The following USP54 variants were observed in gnomAD, a reference collection of about 807,000 sequenced individuals.
USP54 encodes the protein ubiquitin specific peptidase 54, also known as ubiquitin carboxyl-terminal hydrolase 54.
In USP54, 87 loss-of-function variants were observed where a neutral mutation model predicts 170.5. That is an observed-to-expected ratio of 0.51 (90% CI 0.43 to 0.61). USP54 has a LOEUF of 0.61. USP54 is among the 20% of genes least tolerant of loss of function. The pLI is 0.00. For missense variants in USP54, 1,786 were observed against 2,047.8 expected (o/e 0.87, Z 2.47); for synonymous variants, 655 against 742.8 (o/e 0.88, Z 1.92).
In USP54 at chr10:73,575,559, T is replaced by C. The variant is rs1251409543; in HGVS notation, c.100A>G (p.Ser34Gly). 3 of 1,613,976 alleles carry C rather than the reference T, an allele frequency of 1.9e-6. No individual in the cohort carries two copies. The highest frequency in any genetic ancestry group is 2.5e-6 in the Non-Finnish European group (3 of 1,179,982). ...CAGCTGTTTTGCCCTGGCTCATTGC[T>C]GAGGCCTTTGCTGGGGGCTATGGAG... Reference protein sequence around the residue: ...STSIAPSKGLSNEPGQNSCFL... With the variant: ...STSIAPSKGLGNEPGQNSCFL... The change falls in exon 3 of 24, where the codon AGC (serine) becomes GGC (glycine). Residue 34 changes from serine to glycine, a missense_variant. Ser to Gly is a moderately conservative substitution (Grantham distance 56, BLOSUM62 0). Transcript: ENST00000687698.
intron 1 of USP54, among the ~76,000 whole-genome samples, chr10:73,606,806 G>A (rs1433099136): frequency 2.6e-5 from 4 of 151,030 alleles, no homozygotes; most frequent in Non-Finnish European, 5.9e-5. Context: ...GTGAACCTGG[G>A]AGGTGGAGGT....
intron 1 of USP54, among the ~76,000 whole-genome samples, chr10:73,608,054 G>A (rs890802383): frequency 3.3e-5 from 5 of 152,090 alleles, no homozygotes; most frequent in African/African-American, 1.2e-4. Flanking sequence ...GAAGTCAGGA[G>A]TCCAAGACCA....
At chr10:73,538,612 C>T (rs1235311100) in intron 10 of USP54, among the ~76,000 whole-genome samples, 2 of 151,796 alleles carry the variant, frequency 1.3e-5, no homozygotes, top group Non-Finnish European at 2.9e-5. Context: ...CCCAGGAGTT[C>T]CAGACCAGCC....
intron 1 of USP54, chr10:73,611,531 C>G (rs1267850496): frequency 1.3e-5 from 2 of 151,824 alleles, no homozygotes; most frequent in African/African-American, 2.4e-5. Flanking sequence ...TAGCTCACAC[C>G]TGTAATCCCA....
upstream of USP54, among the ~76,000 whole-genome samples, chr10:73,595,488 G>A (rs1414448980): frequency 6.6e-6 from 1 of 150,700 alleles, no homozygotes; most frequent in Non-Finnish European, 1.5e-5. Context: ...AACTTTGGCT[G>A]TTAATCACAG....
In USP54 at chr10:73,579,078, C is replaced by G. The variant is rs185382875; in HGVS notation, c.-581-2717G>C. Among the ~76,000 whole-genome samples, 470 of 151,688 alleles carry G rather than the reference C, an allele frequency of 3.1e-3. 9 individuals carry two copies. Among genetic ancestry groups the G allele is most frequent in the Non-Finnish European group, 7.5e-4 (51 of 67,904 alleles). ...TCCTCAGCCCCATCACCCTCACCCC[C>G]ACCCCCTTCCCCCAGTAGCTGGCAT... is the stretch of plus-strand genomic sequence containing the variant. On this transcript the variant is annotated intron_variant, in intron 1 of 23. Transcript: ENST00000687698.
intron 4 of USP54, among the ~76,000 whole-genome samples, chr10:73,549,105 C>T (rs1027563322): frequency 6.6e-6 from 1 of 152,080 alleles, no homozygotes; most frequent in African/African-American, 2.4e-5. Context: ...TCCAGGGCAC[C>T]CCTTCAGGTT....
chr10:73,515,320 C>T (rs911998662), intron 20 of USP54, among the ~76,000 whole-genome samples: 5 of 151,988 alleles, frequency 3.3e-5, no homozygotes, highest in Admixed American at 2.6e-4. Context: ...ACAGGTAAAA[C>T]CTTGGCCCTG....
At chr10:73,621,228 T>A (rs1427058262) in intron 1 of USP54, among the ~76,000 whole-genome samples, 3 of 148,670 alleles carry the variant, frequency 2.0e-5, no homozygotes, top group Non-Finnish European at 4.4e-5. Context: ...GACTTTGGAA[T>A]ATAGAGTGAA....
chr10:73,498,967 G>A lies in USP54; in HGVS notation c.4717C>T (p.Pro1573Ser), dbSNP rs200063739. ...NPQLTYTATL[P>S]ERSKGLQVPH... is the part of the protein sequence containing the mutation. ...ACCTGAAGGCCCTTGCTTCTTTCTG[G>A]TAGTGTGGCAGTGTAGGTTAGTTGA... The change falls in exon 24 of 24, where the codon CCA becomes TCA. Residue 1573 changes from proline to serine, a missense_variant. Physicochemically the swap from Pro to Ser is moderately conservative, Grantham distance 74. Transcript: ENST00000687698. 20 of 1,614,126 alleles carry A rather than the reference G, an allele frequency of 1.2e-5. No homozygotes were observed. In the Admixed American group the frequency reaches 1.7e-4, roughly 13 times the overall value.
intron 7 of USP54, 30 bp from the exon 8 acceptor site, chr10:73,541,768 T>C (rs752087035): frequency 6.2e-7 from 1 of 1,602,166 alleles, no homozygotes; most frequent in Non-Finnish European, 8.6e-7. Context: ...AGGGGGATGA[T>C]GGTTTGTATT....
chr10:73,580,737 T>C, intron 1 of USP54, among the ~76,000 whole-genome samples: 1 of 152,030 alleles, frequency 6.6e-6, no homozygotes, highest in South Asian at 2.1e-4. Flanking sequence ...CACGCTCAGC[T>C]ATTTTTTGTA....
intron 1 of USP54, among the ~76,000 whole-genome samples, chr10:73,603,571 C>A (rs763766640): frequency 5.3e-5 from 8 of 151,974 alleles, no homozygotes; most frequent in Non-Finnish European, 8.8e-5. Flanking sequence ...CTCTATTAAG[C>A]CCTGTCTCTA....
intron 1 of USP54, among the ~76,000 whole-genome samples, chr10:73,580,212 G>T (rs372905558): frequency 6.6e-6 from 1 of 151,554 alleles, no homozygotes; most frequent in South Asian, 2.1e-4. Context: ...CAGCTCCTAG[G>T]GGGCATTGAG....
chr10:73,561,163 C>G (rs1236966059), intron 4 of USP54, among the ~76,000 whole-genome samples: 10 of 148,868 alleles, frequency 6.7e-5, no homozygotes. Context: ...TCTATCAACC[C>G]AGAAAACACA....
intron 9 of USP54, among the ~76,000 whole-genome samples, chr10:73,540,100 C>T (rs534492860): frequency 6.6e-6 from 1 of 151,482 alleles, no homozygotes; most frequent in Non-Finnish European, 1.5e-5. Flanking sequence ...GAGCAAGACC[C>T]CATCTCAAAA....
intron 1 of USP54, among the ~76,000 whole-genome samples, chr10:73,597,915 T>C (rs1325619976): frequency 6.6e-6 from 1 of 152,032 alleles, no homozygotes; most frequent in East Asian, 1.9e-4. Flanking sequence ...TGAAACCCTG[T>C]CTCTACTAAA....
Position 73,543,131 on chromosome 10 carries a change from C to T in USP54, c.376G>A (p.Glu126Lys), listed in dbSNP as rs1460646384. The T allele has an allele frequency of 6.2e-7, 1 of 1,608,584 alleles. No individual in the cohort carries two copies. The highest frequency in any genetic ancestry group is 2.2e-5 in the East Asian group (1 of 44,870). The change falls in exon 6 of 24, where the codon GAA becomes AAA. Residue 126 changes from glutamate to lysine, a missense_variant and splice_region_variant. This residue lies in a region of USP54 where 361 missense variants were observed against 455.0 expected (regional missense o/e 0.79). Coordinates refer to ENST00000687698, the MANE Select transcript of USP54 (RefSeq NM_001391956.1). Reference protein sequence around the residue: ...GIMDDAAECFENLLMRIHFHI... With the variant: ...GIMDDAAECFKNLLMRIHFHI... ...AAGTGAATTCTCATCAGGAGGTTTT[C>T]CTGACAGGGAAAGAACAAAAGCAGT...
rs754632924 is a variant in USP54 at position 73,519,781 on chromosome 10, G to A, written c.2678+16C>T. On this transcript the variant is annotated intron_variant, in intron 19 of 23. Transcript: ENST00000687698. ...TCCCCTGGCATTCATAAACTAACAT[G>A]GTTCCCAAGCACTACCTTGTTGGCT... 6.2e-7 allele frequency: 1 copy of A among 1,613,456 alleles called. No individual in the cohort carries two copies. The highest frequency in any genetic ancestry group is 1.1e-5 in the South Asian group (1 of 91,006).
Sources: gnomAD v4.1 joint callset for allele counts (sites outside exome capture counted in the v4.1 genomes callset) on GRCh38, gnomAD v4.1.1 for gene constraint, gnomAD v4.1.1 regional missense constraint, MANE v1.5 for transcripts, NCBI Gene and HGNC (gene_info 2026-07-23, HGNC 2026-07-21) for gene names.